Variants in DTD1 observed in about 807,000 individuals in gnomAD.
The protein encoded by DTD1 is D-tyrosyl-tRNA deacylase 1 homolog.
In DTD1, 13 loss-of-function variants were observed where a neutral mutation model predicts 25.6. The observed-to-expected ratio is 0.51, with a 90% CI of 0.33 to 0.81. The LOEUF is 0.81. Ranked by LOEUF, DTD1 falls within the 30% of genes least tolerant of loss-of-function variation. The pLI is 0.02. For synonymous variants in DTD1, 110 were observed against 103.6 expected (o/e 1.06, Z -0.37); for missense variants, 193 against 266.4 (o/e 0.72, Z 1.92).
chr20:18,739,031 G>T (rs186832389), intron 4 of DTD1, among the ~76,000 whole-genome samples: 11 of 152,084 alleles, frequency 7.2e-5, no homozygotes, highest in Admixed American at 3.9e-4. Context: ...GTCCTCTGCA[G>T]TGTGGCCTCA....
chr20:18,653,990 G>A lies in DTD1; in HGVS notation c.477+25757G>A, dbSNP rs184592915. ...GAGAGCTGGATCCCAATAGAAAACA[G>A]TCTTTCAGGCTGCACTGCTTTACAT... On this transcript the variant is annotated intron_variant, in intron 4 of 5. Transcript: ENST00000377452. Among the ~76,000 whole-genome samples, 439 of 152,314 alleles carry A rather than the reference G, an allele frequency of 2.9e-3. 2 individuals carry two copies. The highest frequency in any genetic ancestry group is 3.4e-3 in the Middle Eastern group (1 of 294).
chr20:18,667,565 TC>T (rs201799636), intron 4 of DTD1, among the ~76,000 whole-genome samples: 1 of 133,392 alleles, frequency 7.5e-6, no homozygotes, highest in Non-Finnish European at 1.7e-5. Context: ...GAAGGGAAGG[TC>T]CCCCCTGGCA....
At chr20:18,752,709 G>A (rs532474303) in intron 5 of DTD1, among the ~76,000 whole-genome samples, 17 of 152,182 alleles carry the variant, frequency 1.1e-4, no homozygotes, top group South Asian at 6.2e-4. Flanking sequence ...TTTTGGGTCC[G>A]CTGACCTTGA....
chr20:18,608,544 G>A (rs184758897), intron 3 of DTD1, among the ~76,000 whole-genome samples: 6 of 152,118 alleles, frequency 3.9e-5, no homozygotes, highest in Admixed American at 3.9e-4. Flanking sequence ...TTAGATTATT[G>A]ATTTTAGTTC....
chr20:18,665,425 G>C (rs553388156), intron 4 of DTD1, among the ~76,000 whole-genome samples: 1 of 152,346 alleles, frequency 6.6e-6, no homozygotes, highest in Admixed American at 6.5e-5. Flanking sequence ...ATCCCCTTGA[G>C]GAGTGCCAGC....
intron 3 of DTD1, among the ~76,000 whole-genome samples, chr20:18,627,800 G>A (rs1019902850): frequency 6.6e-6 from 1 of 152,108 alleles, no homozygotes; most frequent in African/African-American, 2.4e-5. Context: ...ATGGGGGCGG[G>A]TCTTTCCTGT....
intron 5 of DTD1, among the ~76,000 whole-genome samples, chr20:18,756,187 T>G (rs190977000): frequency 1.3e-5 from 2 of 152,360 alleles, no homozygotes; most frequent in East Asian, 3.9e-4. Flanking sequence ...CTCAGTTGAG[T>G]ACACTGCAAA....
chr20:18,754,390 C>T (rs1430080054), intron 5 of DTD1, among the ~76,000 whole-genome samples: 1 of 152,186 alleles, frequency 6.6e-6, no homozygotes, highest in Non-Finnish European at 1.5e-5. Context: ...AGTTATCAGG[C>T]ACCTCTTACT....
At chr20:18,592,751 T>G (rs1447760238) in intron 1 of DTD1, 1 of 151,810 alleles carries the variant, frequency 6.6e-6, no homozygotes, top group East Asian at 1.9e-4. Context: ...GGTGTGATCT[T>G]GGATCACTGC....
intron 3 of DTD1, among the ~76,000 whole-genome samples, chr20:18,599,227 T>G (rs1260465238): frequency 1.3e-5 from 2 of 152,112 alleles, no homozygotes; most frequent in Non-Finnish European, 2.9e-5. Flanking sequence ...CAGGCTGGAG[T>G]GCAGTGGTGT....
intron 4 of DTD1, among the ~76,000 whole-genome samples, chr20:18,695,508 T>TGCTTTCCTTC: frequency 7.2e-4 from 4 of 5,544 alleles, no homozygotes; most frequent in African/African-American, 1.3e-3. Context: ...TCCCTTCCCT[T>TGCTTTCCTTC]CCCTTCCCTT....
At chr20:18,595,535 A>C (rs1173545127) in intron 2 of DTD1, among the ~76,000 whole-genome samples, 2 of 152,138 alleles carry the variant, frequency 1.3e-5, no homozygotes, top group Non-Finnish European at 2.9e-5. Context: ...CTCCCAAAGT[A>C]CTGGGATTTC....
chr20:18,745,113 C>A (rs1388298000), intron 5 of DTD1, among the ~76,000 whole-genome samples: 1 of 152,198 alleles, frequency 6.6e-6, no homozygotes, highest in Non-Finnish European at 1.5e-5. Context: ...TGCTCTTAGC[C>A]ACTCTAGCAA....
intron 4 of DTD1, among the ~76,000 whole-genome samples, chr20:18,722,926 A>G (rs1360630463): frequency 6.6e-6 from 1 of 152,264 alleles, no homozygotes; most frequent in Non-Finnish European, 1.5e-5. Flanking sequence ...CAGAAAAGTC[A>G]GCACCATAAG....
chr20:18,650,497 A>T (rs1344267457), intron 4 of DTD1, among the ~76,000 whole-genome samples: 1 of 152,120 alleles, frequency 6.6e-6, no homozygotes, highest in Non-Finnish European at 1.5e-5. Context: ...TGAGCACCCT[A>T]CTTCATGCTG....
intron 4 of DTD1, among the ~76,000 whole-genome samples, chr20:18,648,828 C>G (rs909530826): frequency 6.6e-6 from 1 of 151,628 alleles, no homozygotes; most frequent in Non-Finnish European, 1.5e-5. Flanking sequence ...AACCTCGTCT[C>G]TACTAAAAAT....
chr20:18,677,552 G>A (rs565539652), intron 4 of DTD1, among the ~76,000 whole-genome samples: 3 of 152,110 alleles, frequency 2.0e-5, no homozygotes, highest in Admixed American at 6.5e-5. Flanking sequence ...TGGACGTGGT[G>A]GAAATCTGCT....
intron 3 of DTD1, among the ~76,000 whole-genome samples, chr20:18,617,248 A>T (rs1230256301): frequency 6.6e-6 from 1 of 151,836 alleles, no homozygotes; most frequent in African/African-American, 2.4e-5. Flanking sequence ...AAAAGTCTGA[A>T]TCATTCAGCA....
At chr20:18,736,963 C>T (rs986395418) in intron 4 of DTD1, among the ~76,000 whole-genome samples, 1 of 152,240 alleles carries the variant, frequency 6.6e-6, no homozygotes, top group African/African-American at 2.4e-5. Context: ...GTGGCTCGGG[C>T]TCCTGCCCAA....
Sources: gnomAD v4.1 joint callset for allele counts (sites outside exome capture counted in the v4.1 genomes callset) on GRCh38, gnomAD v4.1.1 for gene constraint, MANE v1.5 for transcripts, NCBI Gene and HGNC (gene_info 2026-07-23, HGNC 2026-07-21) for gene names.